Variants in CEP55 observed in about 807,000 individuals in gnomAD.
The protein encoded by CEP55 is centrosomal protein 55, also known as centrosomal protein of 55 kDa.
Under a neutral mutation model 63.2 loss-of-function variants are expected in CEP55, and 57 were observed. The ratio of observed to expected loss-of-function variants is 0.90; its 90% CI spans 0.73 to 1.13. The LOEUF (loss-of-function observed/expected upper bound fraction) is 1.13. CEP55 is among the 50% of genes most tolerant of loss of function. CEP55 has a pLI of 0.00. For synonymous variants in CEP55, 178 were observed against 191.6 expected, an observed-to-expected ratio of 0.93 and a Z score of 0.59; for missense variants, 456 against 518.9, an observed-to-expected ratio of 0.88 and a Z score of 1.18.
intron 2 of CEP55, among the ~76,000 whole-genome samples, 180 bp downstream of exon 2, chr10:93,500,414 T>G (rs1190383601): frequency 1.3e-5 from 2 of 152,260 alleles, no homozygotes; most frequent in Admixed American, 1.3e-4. Flanking sequence ...AAGTCTTAGA[T>G]GTACTTTAGT....
chr10:93,511,578 G>T (rs1035563841), intron 4 of CEP55, among the ~76,000 whole-genome samples: 5 of 151,954 alleles, frequency 3.3e-5, no homozygotes, highest in African/African-American at 9.7e-5. Flanking sequence ...ATACTTAAGT[G>T]ATGTATGGTT....
chr10:93,501,901 A>G (rs1456627744), intron 2 of CEP55, among the ~76,000 whole-genome samples: 1 of 152,138 alleles, frequency 6.6e-6, no homozygotes, highest in African/African-American at 2.4e-5. Context: ...ATAGCTTTCC[A>G]TTTCATTCCA....
intron 4 of CEP55, 26 bp downstream of exon 4, chr10:93,507,082 G>T (rs538324940): frequency 2.4e-6 from 3 of 1,247,526 alleles, no homozygotes; most frequent in Non-Finnish European, 3.5e-6. Flanking sequence ...TTTAAGTTAT[G>T]GGTAAAGAGG....
chr10:93,508,451 A>C (rs1282432214), intron 4 of CEP55, among the ~76,000 whole-genome samples: 1 of 152,226 alleles, frequency 6.6e-6, no homozygotes, highest in Admixed American at 6.5e-5. Context: ...CCAGGTGCCA[A>C]GTACTCTTAT....
At chr10:93,501,410 C>T (rs556723096) in intron 2 of CEP55, among the ~76,000 whole-genome samples, 18 of 152,142 alleles carry the variant, frequency 1.2e-4, no homozygotes, top group East Asian at 3.9e-4. Context: ...TGGTTAAGGC[C>T]GGGCACGGTG....
intron 2 of CEP55, among the ~76,000 whole-genome samples, chr10:93,502,439 G>C (rs931936941): frequency 1.3e-5 from 2 of 151,982 alleles, no homozygotes; most frequent in Non-Finnish European, 2.9e-5. Flanking sequence ...CTAAATTCAA[G>C]TTTTAACTTC....
chr10:93,507,574 C>T (rs569501202), intron 4 of CEP55, among the ~76,000 whole-genome samples: 1 of 152,208 alleles, frequency 6.6e-6, no homozygotes, highest in Admixed American at 6.6e-5. Flanking sequence ...CCACCAAATA[C>T]CTCAATAACA....
intron 4 of CEP55, among the ~76,000 whole-genome samples, chr10:93,508,765 T>C (rs927504947): frequency 2.6e-5 from 4 of 152,214 alleles, no homozygotes; most frequent in South Asian, 2.1e-4. Flanking sequence ...TGCCACTTTC[T>C]TGGGGTTGGG....
intron 8 of CEP55, among the ~76,000 whole-genome samples, chr10:93,524,072 C>T (rs1489662942): frequency 6.6e-6 from 1 of 151,884 alleles, no homozygotes; most frequent in Non-Finnish European, 1.5e-5. Context: ...TAGCAGAAGG[C>T]AAGAAATAAC....
chr10:93,509,598 G>T (rs2057723443), intron 4 of CEP55, among the ~76,000 whole-genome samples: 1 of 152,112 alleles, frequency 6.6e-6, no homozygotes, highest in African/African-American at 2.4e-5. Flanking sequence ...TGATTCTCAT[G>T]CCTCAGCCTC....
At chr10:93,511,327 A>T (rs2134472415) in intron 4 of CEP55, among the ~76,000 whole-genome samples, 1 of 152,280 alleles carries the variant, frequency 6.6e-6, no homozygotes, top group South Asian at 2.1e-4. Flanking sequence ...TAACAAACGT[A>T]TAGATGACAC....
intron 8 of CEP55, among the ~76,000 whole-genome samples, chr10:93,525,318 A>T (rs1044434883): frequency 1.3e-5 from 2 of 152,246 alleles, no homozygotes; most frequent in African/African-American, 4.8e-5. Flanking sequence ...CCAAATCATG[A>T]GTGAACTCTC....
chr10:93,499,585 G>A (rs181125272), intron 1 of CEP55, among the ~76,000 whole-genome samples: 12 of 144,672 alleles, frequency 8.3e-5, no homozygotes, highest in Admixed American at 5.0e-4. Flanking sequence ...ACATTGGTGC[G>A]ATCTTGGCTC....
At chr10:93,509,200 A>ATACTACATATGTATGTAG (rs1315557274) in intron 4 of CEP55, among the ~76,000 whole-genome samples, 57 of 152,322 alleles carry the variant, frequency 3.7e-4, no homozygotes, top group African/African-American at 1.3e-3. Context: ...TAACTTTGAA[A>ATACTACATATGTATGTAG]TACTACATAT....
intron 4 of CEP55, among the ~76,000 whole-genome samples, chr10:93,512,026 C>T (rs923596321): frequency 1.9e-4 from 28 of 147,542 alleles, no homozygotes; most frequent in African/African-American, 6.5e-4. Context: ...ATCAGGAGTT[C>T]GAGACCAGCT....
At chr10:93,504,492 A>ATT (rs2057668224) in intron 3 of CEP55, among the ~76,000 whole-genome samples, 1 of 151,592 alleles carries the variant, frequency 6.6e-6, no homozygotes, top group Admixed American at 6.6e-5. Context: ...AAAATCATCT[A>ATT]TAGTAGAAAA....
chr10:93,526,931 TGTGGGGTGGGGGGA>T (rs1413040396), intron 8 of CEP55, among the ~76,000 whole-genome samples: 1 of 151,848 alleles, frequency 6.6e-6, no homozygotes, highest in East Asian at 1.9e-4. Context: ...CAGGACCTGT[TGTGGGGTGGGGGGA>T]GTGGGGAGGG....
At chr10:93,522,393 G>A (rs185881554) in intron 8 of CEP55, among the ~76,000 whole-genome samples, 150 of 152,258 alleles carry the variant, frequency 9.9e-4, no homozygotes, top group African/African-American at 1.7e-3. Context: ...GAGAAAAAAG[G>A]ATAAAAAGAA....
At chr10:93,514,119 G>C (rs2057778607) in intron 4 of CEP55, among the ~76,000 whole-genome samples, 1 of 152,166 alleles carries the variant, frequency 6.6e-6, no homozygotes, top group South Asian at 2.1e-4. Context: ...AAAAAATAGA[G>C]ACAGGGTTTT....
Sources: allele counts gnomAD v4.1 joint callset (sites outside exome capture counted in the v4.1 genomes callset), GRCh38; gene constraint gnomAD v4.1.1; transcripts MANE v1.5; gene names NCBI Gene and HGNC (gene_info 2026-07-23, HGNC 2026-07-21).